The following PPP4R4 variants were observed in gnomAD, a reference collection of about 807,000 sequenced individuals.
PPP4R4 encodes serine/threonine-protein phosphatase 4 regulatory subunit 4.
PPP4R4 carries 70 observed loss-of-function variants against 121.8 expected under a neutral mutation model. That is an observed-to-expected ratio of 0.57 (90% CI 0.47 to 0.70). The LOEUF (loss-of-function observed/expected upper bound fraction) is 0.70, where lower values mean the gene tolerates loss of function less well. PPP4R4 is among the 30% of genes least tolerant of loss of function. The probability of loss-of-function intolerance (pLI) is 0.00; values close to 1 mark genes in which losing one functional copy is unlikely to be tolerated. For missense variants in PPP4R4, 875 were observed against 1,033.6 expected, an observed-to-expected ratio of 0.85 and a Z score of 2.10; for synonymous variants, 348 against 355.7, an observed-to-expected ratio of 0.98 and a Z score of 0.24.
At chr14:94,220,483 A>T (rs1037154510) in intron 3 of PPP4R4, among the ~76,000 whole-genome samples, 17 of 152,114 alleles carry the variant, frequency 1.1e-4, no homozygotes, top group Non-Finnish European at 2.4e-4. Flanking sequence ...CTCAGATAAC[A>T]TTATCATATG....
chr14:94,207,685 GATATAT>G (rs963501668), intron 2 of PPP4R4, among the ~76,000 whole-genome samples: 2 of 151,058 alleles, frequency 1.3e-5, no homozygotes, highest in Non-Finnish European at 3.0e-5. Flanking sequence ...GCATCTTTTT[GATATAT>G]ATATCTATAT....
At chr14:94,260,752 C>T (rs1893742118) in intron 19 of PPP4R4, among the ~76,000 whole-genome samples, 2 of 151,936 alleles carry the variant, frequency 1.3e-5, no homozygotes, top group South Asian at 4.2e-4. Flanking sequence ...TGAATTTTTT[C>T]TTGGAGTCTG....
Position 94,261,491 on chromosome 14 carries a change from T to A in PPP4R4, c.2127+2122T>A, listed in dbSNP as rs148401782. ...TAGATTTTCTAAAACTAAAATTTTA[T>A]ACGTAAGTGATCATATCTTCTTTAA... On this transcript the variant is annotated intron_variant, in intron 19 of 24. Coordinates refer to ENST00000304338, the MANE Select transcript of PPP4R4 (RefSeq NM_058237.2). Among the ~76,000 whole-genome samples, 1,340 of 152,216 alleles carry A rather than the reference T, an allele frequency of 8.8e-3. 9 individuals are homozygous for A. Among genetic ancestry groups the A allele is most frequent in the Non-Finnish European group, 0.014 (923 of 67,936 alleles).
intron 2 of PPP4R4, among the ~76,000 whole-genome samples, chr14:94,183,220 C>T (rs192751162): frequency 6.6e-6 from 1 of 152,246 alleles, no homozygotes; most frequent in African/African-American, 2.4e-5. Context: ...GTGCTATTCT[C>T]AGTCCCTGTG....
chr14:94,177,720 A>C (rs539677317), intron 2 of PPP4R4, among the ~76,000 whole-genome samples: 3 of 152,284 alleles, frequency 2.0e-5, no homozygotes, highest in Non-Finnish European at 4.4e-5. Flanking sequence ...TTTTAAGGAA[A>C]GCTTATTTGT....
intron 24 of PPP4R4, among the ~76,000 whole-genome samples, chr14:94,276,636 C>A (rs894890882): frequency 9.4e-6 from 1 of 106,544 alleles, no homozygotes; most frequent in Admixed American, 8.6e-5. Context: ...AACACCAAGC[C>A]GTGAGGGATC....
intron 14 of PPP4R4, among the ~76,000 whole-genome samples, chr14:94,249,499 A>G (rs746740605): frequency 5.9e-5 from 9 of 152,074 alleles, no homozygotes; most frequent in Admixed American, 6.6e-5. Context: ...ATGAACATGA[A>G]TTTATACTGG....
intron 16 of PPP4R4, among the ~76,000 whole-genome samples, chr14:94,255,331 G>A (rs1476070251): frequency 6.6e-6 from 1 of 151,434 alleles, no homozygotes; most frequent in East Asian, 2.0e-4. Context: ...GGGCGCGGTG[G>A]CTCCTGCCTG....
At chr14:94,220,704 A>G (rs2103931) in intron 3 of PPP4R4, among the ~76,000 whole-genome samples, 324 of 152,118 alleles carry the variant, frequency 2.1e-3, no homozygotes, top group Non-Finnish European at 3.6e-3. Flanking sequence ...CTATAAACTG[A>G]AAACTATAGA....
intron 19 of PPP4R4, among the ~76,000 whole-genome samples, chr14:94,261,655 A>T (rs1302376208): frequency 6.6e-6 from 1 of 151,900 alleles, no homozygotes; most frequent in Admixed American, 6.6e-5. Flanking sequence ...TCTTAGGGGG[A>T]AACAGTTCAG....
At chr14:94,206,391 G>A (rs943536846) in intron 2 of PPP4R4, among the ~76,000 whole-genome samples, 2 of 151,672 alleles carry the variant, frequency 1.3e-5, no homozygotes, top group Admixed American at 6.6e-5. Context: ...GTATATAGTC[G>A]AATCATTTTT....
chr14:94,233,012 C>G (rs1336321993), intron 5 of PPP4R4, among the ~76,000 whole-genome samples: 4 of 151,336 alleles, frequency 2.6e-5, no homozygotes, highest in Non-Finnish European at 5.9e-5. Flanking sequence ...GAGCCGAGAT[C>G]GCGCCACTGC....
chr14:94,200,515 T>C (rs1890115546), intron 2 of PPP4R4, among the ~76,000 whole-genome samples: 1 of 152,214 alleles, frequency 6.6e-6, no homozygotes, highest in Admixed American at 6.5e-5. Context: ...TCTTGCTGCT[T>C]GTTATTGGTC....
At chr14:94,252,729 A>G (rs1447041960) in intron 16 of PPP4R4, among the ~76,000 whole-genome samples, 2 of 152,230 alleles carry the variant, frequency 1.3e-5, no homozygotes, top group African/African-American at 4.8e-5. Flanking sequence ...GAGACATCAG[A>G]GTCAGTTGGC....
At position 94,237,671 on chromosome 14, in the gene PPP4R4, G is replaced by C; in HGVS notation, c.838G>C (p.Asp280His). 6.2e-7 allele frequency: 1 copy of C among 1,612,002 alleles called. No individual in the cohort carries two copies. The highest frequency in any genetic ancestry group is 2.2e-5 in the East Asian group (1 of 44,858). ...TTTTGAAACTTTGGTTAATCTGCTT[G>C]ATATATTTGATACAGGTAAATCATG... ...AAFETLVNLL[D>H]IFDTDDRSQT... is the part of the protein sequence containing the mutation. The change falls in exon 8 of 25, where the codon GAT becomes CAT. Residue 280 changes from aspartate (D) to histidine (H), a missense_variant. Transcript: ENST00000304338.
intron 3 of PPP4R4, among the ~76,000 whole-genome samples, chr14:94,217,372 A>G (rs141623205): frequency 6.6e-6 from 1 of 152,314 alleles, no homozygotes; most frequent in Non-Finnish European, 1.5e-5. Context: ...ACTGCTAACT[A>G]GACTGGTTAT....
intron 17 of PPP4R4, 29 bp downstream of exon 17, chr14:94,256,633 A>AT (rs749246184): frequency 9.7e-6 from 15 of 1,546,436 alleles, no homozygotes; most frequent in South Asian, 6.0e-5. Flanking sequence ...ACAATGTTGC[A>AT]TTTTTTGCAT....
At chr14:94,228,702 G>T (rs962709584) in intron 3 of PPP4R4, among the ~76,000 whole-genome samples, 3 of 152,184 alleles carry the variant, frequency 2.0e-5, no homozygotes, top group African/African-American at 7.2e-5. Context: ...ATCAAGAGCA[G>T]AAAGCGTAGG....
chr14:94,270,169 A>G (rs1286837919), intron 23 of PPP4R4, among the ~76,000 whole-genome samples: 1 of 152,208 alleles, frequency 6.6e-6, no homozygotes, highest in African/African-American at 2.4e-5. Flanking sequence ...GTGCTCAGGG[A>G]CAAATTTAAC....
Sources: allele counts gnomAD v4.1 joint callset (sites outside exome capture counted in the v4.1 genomes callset), GRCh38; gene constraint gnomAD v4.1.1; transcripts MANE v1.5; gene names NCBI Gene and HGNC (gene_info 2026-07-23, HGNC 2026-07-21).